ALDH2: variants seen among roughly 807,000 people sequenced by gnomAD.
ALDH2 encodes the protein aldehyde dehydrogenase, mitochondrial.
A neutral mutation model predicts 59.6 loss-of-function variants in ALDH2; 44 were observed. That is an observed-to-expected ratio of 0.74 (90% CI 0.58 to 0.95). The LOEUF (loss-of-function observed/expected upper bound fraction) is 0.95. Ranked by LOEUF, ALDH2 falls within the 40% of genes least tolerant of loss-of-function variation. The pLI is 0.00. For synonymous variants in ALDH2, 291 were observed against 284.0 expected (o/e 1.02, Z -0.25); for missense variants, 570 against 696.3 (o/e 0.82, Z 2.04).
At chr12:111,795,321 C>T (rs2068394521) in intron 9 of ALDH2, among the ~76,000 whole-genome samples, 1 of 152,096 alleles carries the variant, frequency 6.6e-6, no homozygotes, top group Admixed American at 6.6e-5. Context: ...CTCGCTCTGT[C>T]ACCCAGGCTG....
At chr12:111,793,063 A>T (rs906980942) in intron 9 of ALDH2, among the ~76,000 whole-genome samples, 4 of 152,022 alleles carry the variant, frequency 2.6e-5, no homozygotes, top group Admixed American at 2.6e-4. Flanking sequence ...TGCAAAAGGG[A>T]GTGTGTGTTT....
intron 3 of ALDH2, among the ~76,000 whole-genome samples, chr12:111,783,548 C>T (rs950334658): frequency 3.3e-4 from 50 of 152,230 alleles, no homozygotes; most frequent in Non-Finnish European, 6.6e-4. Flanking sequence ...CTCACTCTGT[C>T]GCCTAGGCTG....
chr12:111,798,317 A>G (rs981665432), intron 10 of ALDH2, 75 bp downstream of exon 10: 16 of 1,462,280 alleles, frequency 1.1e-5, no homozygotes, highest in Admixed American at 5.2e-5. Flanking sequence ...TGGCATCCTG[A>G]TGCTGTCACC....
intron 1 of ALDH2, among the ~76,000 whole-genome samples, chr12:111,774,720 G>T (rs2068222960): frequency 6.6e-6 from 1 of 152,106 alleles, no homozygotes; most frequent in Non-Finnish European, 1.5e-5. Context: ...CATGAGGTCT[G>T]GGGGTGGTGG....
At chr12:111,792,860 T>A in intron 9 of ALDH2, 78 bp downstream of exon 9, 4 of 1,448,622 alleles carry the variant, frequency 2.8e-6, no homozygotes, top group Non-Finnish European at 3.7e-6. Context: ...CTCAGATCAG[T>A]TGGGACTGGG....
Position 111,816,340 on chromosome 12 carries a change from T to G in ALDH2, c.*6765T>G, listed in dbSNP as rs1459887279. 6.6e-6 allele frequency: 1 copy of G among 151,424 alleles called. No homozygotes were observed. The highest frequency in any genetic ancestry group is 1.5e-5 in the Non-Finnish European group (1 of 67,942). 9.4% of individuals were successfully genotyped at this position (151,424 alleles called of 1,614,324 possible). On this transcript the variant is annotated 3_prime_UTR_variant, in exon 13 of 13. Transcript: ENST00000261733. ...TAAAGGAGATAGGGAGAAGGGGGGG[T>G]GGTTGTCGGTCAGCAGCTTGATTCA...
chr12:111,800,993 G>A (rs2068447357), intron 11 of ALDH2, among the ~76,000 whole-genome samples: 1 of 152,230 alleles, frequency 6.6e-6, no homozygotes, highest in African/African-American at 2.4e-5. Flanking sequence ...GCCACAGAAA[G>A]GAATGAAGTA....
In ALDH2 at chr12:111,814,476, G is replaced by T. The variant is rs2068557810; in HGVS notation, c.*4901G>T. 6.7e-6 allele frequency: 1 copy of T among 150,332 alleles called. No individual in the cohort carries two copies. Among genetic ancestry groups the T allele is most frequent in the African/African-American group, 2.5e-5 (1 of 40,714 alleles). The allele number at this position is 150,332 out of a possible 1,614,324, so 9.3% of individuals were successfully genotyped here. A position where few individuals can be genotyped will look rare whatever the true frequency, so the allele number is the denominator to read the frequency against. On this transcript the variant is annotated 3_prime_UTR_variant, in exon 13 of 13. Coordinates refer to ENST00000261733, the MANE Select transcript of ALDH2 (RefSeq NM_000690.4). Reference sequence around the variant, plus strand: ...AATTGGTTGAACCTGGGAGGCAGAGGTTGCAGTGAGCTAAGATCGCACCAC... The same window carrying T: ...AATTGGTTGAACCTGGGAGGCAGAGTTTGCAGTGAGCTAAGATCGCACCAC...
In ALDH2 at chr12:111,810,671, G is replaced by A. The variant is rs1020927818; in HGVS notation, c.*1096G>A. The stretch of plus-strand genomic sequence containing the variant: ...CATCCAGGCTGGAGTGCAGTGGCAC[G>A]ATCATAGCTCACTGCTGCCTCGACC... On this transcript the variant is annotated 3_prime_UTR_variant, in exon 13 of 13. Coordinates refer to ENST00000261733, the MANE Select transcript of ALDH2 (RefSeq NM_000690.4). 5.3e-5 allele frequency: 8 copies of A among 150,160 alleles called. No homozygotes were observed. The highest frequency in any genetic ancestry group is 2.0e-4 in the Admixed American group (3 of 14,960). The allele number at this position is 150,160 out of a possible 1,614,324, so 9.3% of individuals were successfully genotyped here.
At chr12:111,777,175 G>A (rs2068239957) in intron 1 of ALDH2, among the ~76,000 whole-genome samples, 1 of 152,182 alleles carries the variant, frequency 6.6e-6, no homozygotes, top group South Asian at 2.1e-4. Flanking sequence ...TTGCTGCTGT[G>A]TGACCTAGAG....
rs2068545288 is a variant in ALDH2, at chr12:111,812,864, C to T, written c.*3289C>T. The T allele has an allele frequency of 6.6e-6, 1 of 151,974 alleles. No homozygotes were observed. Among genetic ancestry groups the T allele is most frequent in the African/African-American group, 2.4e-5 (1 of 41,350 alleles). 9.4% of individuals were successfully genotyped at this position (151,974 alleles called of 1,614,324 possible). A position where few individuals can be genotyped will look rare whatever the true frequency, so the allele number is the denominator to read the frequency against. On this transcript the variant is annotated 3_prime_UTR_variant, in exon 13 of 13. Transcript: ENST00000261733. ...CTTCACTCCAGCCCAGAGTGAGACCCCATCTCTGAAAAAAACACAAAAAAC... is the reference window on the plus strand; with the variant it reads ...CTTCACTCCAGCCCAGAGTGAGACCTCATCTCTGAAAAAAACACAAAAAAC...
chr12:111,782,413 CT>C (rs1326188694), intron 2 of ALDH2, among the ~76,000 whole-genome samples: 2 of 152,220 alleles, frequency 1.3e-5, no homozygotes, highest in Non-Finnish European at 2.9e-5. Flanking sequence ...AAATTAGACT[CT>C]TAGTAAAAAT....
intron 9 of ALDH2, among the ~76,000 whole-genome samples, chr12:111,797,237 C>G (rs1045831751): frequency 6.6e-6 from 1 of 152,162 alleles, no homozygotes; most frequent in Non-Finnish European, 1.5e-5. Context: ...CTGGCCCAAG[C>G]TTTCCTTCTT....
intron 12 of ALDH2, among the ~76,000 whole-genome samples, chr12:111,805,582 C>T (rs1346536905): frequency 6.6e-6 from 1 of 152,164 alleles, no homozygotes; most frequent in Non-Finnish European, 1.5e-5. Flanking sequence ...GCCTTGGTCC[C>T]AAAGTGCTGG....
chr12:111,799,403 GT>G (rs2068430785), intron 10 of ALDH2, among the ~76,000 whole-genome samples: 1 of 151,850 alleles, frequency 6.6e-6, no homozygotes, highest in South Asian at 2.1e-4. Context: ...CTGACCTCAG[GT>G]GATCCACCTG....
rs1472368988 is a variant in ALDH2, at chr12:111,816,899, G to T, written c.*7324G>T. ...ATTCACCGATATCAAAGGTGATGTT[G>T]GATGTGCAAGCTCCCTGCAAATGGG... On this transcript the variant is annotated 3_prime_UTR_variant, in exon 13 of 13. Coordinates refer to ENST00000261733, the MANE Select transcript of ALDH2 (RefSeq NM_000690.4). 1 of 152,178 alleles carries T rather than the reference G, an allele frequency of 6.6e-6. No homozygotes were observed. Among genetic ancestry groups the T allele is most frequent in the Non-Finnish European group, 1.5e-5 (1 of 68,022 alleles). The allele number at this position is 152,178 out of a possible 1,614,324, so 9.4% of individuals were successfully genotyped here. A position where few individuals can be genotyped will look rare whatever the true frequency, so the allele number is the denominator to read the frequency against.
intron 4 of ALDH2, among the ~76,000 whole-genome samples, chr12:111,787,395 T>G (rs573433999): frequency 2.0e-5 from 3 of 152,186 alleles, no homozygotes; most frequent in South Asian, 4.1e-4. Flanking sequence ...TTCTTGTACC[T>G]CCATGCCTGA....
At chr12:111,795,627 C>T (rs2068397385) in intron 9 of ALDH2, among the ~76,000 whole-genome samples, 1 of 141,088 alleles carries the variant, frequency 7.1e-6, no homozygotes, top group South Asian at 2.3e-4. Flanking sequence ...GAGTCTTGCT[C>T]TGTCTCCAGG....
Position 111,783,139 on chromosome 12 carries a change from GT to G in ALDH2, c.220-15del. On this transcript the variant is annotated intron_variant, in intron 2 of 12. Coordinates refer to ENST00000261733, the MANE Select transcript of ALDH2 (RefSeq NM_000690.4). ...ACCTGAGTTTTCCAGGAAGGCTTGA[GT>G]TTTCCTGTGTTTTCTAGGAAGATGT... is the stretch of plus-strand genomic sequence containing the variant. The G allele has an allele frequency of 6.2e-7, 1 of 1,601,232 alleles. No individual in the cohort carries two copies.
Sources: allele counts gnomAD v4.1 joint callset (sites outside exome capture counted in the v4.1 genomes callset), GRCh38; gene constraint gnomAD v4.1.1; transcripts MANE v1.5; gene names NCBI Gene and HGNC (gene_info 2026-07-23, HGNC 2026-07-21).